SMG6: variants seen among roughly 807,000 people sequenced by gnomAD.
SMG6 encodes SMG6 nonsense mediated mRNA decay factor, also known as telomerase-binding protein EST1A.
SMG6 carries 66 observed loss-of-function variants against 142.2 expected under a neutral mutation model. The observed-to-expected ratio is 0.46, with a 90% CI of 0.38 to 0.57. The LOEUF (loss-of-function observed/expected upper bound fraction) is 0.57. SMG6 is among the 20% of genes least tolerant of loss of function. The probability of loss-of-function intolerance (pLI) is 0.00; values close to 1 mark genes in which losing one functional copy is unlikely to be tolerated. For missense variants in SMG6, 1,793 were observed against 1,832.0 expected, an observed-to-expected ratio of 0.98 and a Z score of 0.39; for synonymous variants, 779 against 702.4, an observed-to-expected ratio of 1.11 and a Z score of -1.72.
intron 15 of SMG6, among the ~76,000 whole-genome samples, chr17:2,080,646 T>TC (rs1392317749): frequency 1.3e-5 from 2 of 151,858 alleles, no homozygotes; most frequent in African/African-American, 2.4e-5. Context: ...TTTTCTTTTT[T>TC]TTTTTTTGAG....
intron 10 of SMG6, among the ~76,000 whole-genome samples, chr17:2,189,021 A>G (rs1289341485): frequency 6.6e-6 from 1 of 152,170 alleles, no homozygotes; most frequent in African/African-American, 2.4e-5. Flanking sequence ...CTTTAGTCCC[A>G]TCCTTACTTC....
chr17:2,173,612 C>G (rs779309928), intron 12 of SMG6, among the ~76,000 whole-genome samples: 10 of 152,148 alleles, frequency 6.6e-5, no homozygotes, highest in Non-Finnish European at 1.3e-4. Context: ...TCCCACGTCC[C>G]CAGAAACCCC....
intron 8 of SMG6, among the ~76,000 whole-genome samples, chr17:2,252,394 A>G (rs1327202042): frequency 9.6e-6 from 1 of 103,986 alleles, no homozygotes; most frequent in South Asian, 3.5e-4. Context: ...GCAAGACTCC[A>G]ACTCAAAAAA....
chr17:2,135,042 G>A (rs781405895), intron 13 of SMG6, among the ~76,000 whole-genome samples: 2 of 152,132 alleles, frequency 1.3e-5, no homozygotes, highest in Non-Finnish European at 2.9e-5. Context: ...ACCATGCCTG[G>A]CTAATTTTTG....
intron 10 of SMG6, among the ~76,000 whole-genome samples, chr17:2,218,629 A>G (rs1269031741): frequency 6.6e-6 from 1 of 152,198 alleles, no homozygotes; most frequent in African/African-American, 2.4e-5. Context: ...CTACATACCC[A>G]TGCCAACCTT....
chr17:2,188,427 G>A lies in SMG6; in HGVS notation c.2958C>T (p.Cys986=), dbSNP rs200765278. 4.5e-5 allele frequency: 73 copies of A among 1,614,140 alleles called. No individual in the cohort carries two copies. In the East Asian group the frequency reaches 1.4e-3, roughly 31 times the overall value. ...LAMFSLLVRR[C]TCLLKESAKA... ...TGGCGGACTCCTTAAGTAAGCAGGTGCAGCGGCGGACCAGTAGAGAAAACA... is the reference window on the plus strand; with the variant it reads ...TGGCGGACTCCTTAAGTAAGCAGGTACAGCGGCGGACCAGTAGAGAAAACA... The change falls in exon 11 of 19, where the codon TGC becomes TGT. Residue 986 remains cysteine (C), a synonymous_variant. Transcript: ENST00000263073.
chr17:2,138,043 T>C (rs780937884), intron 13 of SMG6, among the ~76,000 whole-genome samples: 1 of 152,024 alleles, frequency 6.6e-6, no homozygotes, highest in African/African-American at 2.4e-5. Context: ...TAAAGGCAGA[T>C]GCAGACAGAA....
In SMG6 at chr17:2,113,596, T is replaced by C. The variant is rs75828607; in HGVS notation, c.3358-27695A>G. Among the ~76,000 whole-genome samples the C allele has an allele frequency of 9.7e-3, 1,478 of 152,320 alleles. 11 individuals are homozygous for C. The highest frequency in any genetic ancestry group is 0.015 in the Non-Finnish European group (1,027 of 68,030). ...TCTCTTACACAGCTGCCAAGTGAGCTATATGGCATTCTTATCAAATGAAAG... is the reference window on the plus strand; with the variant it reads ...TCTCTTACACAGCTGCCAAGTGAGCCATATGGCATTCTTATCAAATGAAAG... On this transcript the variant is annotated intron_variant, in intron 13 of 18. Coordinates refer to ENST00000263073, the MANE Select transcript of SMG6 (RefSeq NM_017575.5).
chr17:2,078,924 T>C (rs1246454045), intron 15 of SMG6, among the ~76,000 whole-genome samples: 2 of 146,816 alleles, frequency 1.4e-5, no homozygotes, highest in Non-Finnish European at 2.9e-5. Context: ...TGGTGATTGG[T>C]CAACTATGAC....
intron 8 of SMG6, among the ~76,000 whole-genome samples, chr17:2,277,154 TTTA>T (rs1201139474): frequency 4.9e-5 from 4 of 81,792 alleles, no homozygotes; most frequent in African/African-American, 2.3e-4. Flanking sequence ...TATTTATTTA[TTTA>T]TTTATTTATT....
intron 1 of SMG6, among the ~76,000 whole-genome samples, chr17:2,302,837 CCTA>C (rs1375448033): frequency 1.3e-5 from 2 of 152,114 alleles, no homozygotes; most frequent in Non-Finnish European, 2.9e-5. Context: ...GAAAGCTATT[CCTA>C]CTACTTTCTA....
chr17:2,105,107 T>TTG (rs931732627), intron 13 of SMG6, among the ~76,000 whole-genome samples: 2 of 144,470 alleles, frequency 1.4e-5, no homozygotes, highest in African/African-American at 5.1e-5. Context: ...TTTTTTTTTT[T>TTG]GTAGAGATGG....
intron 18 of SMG6, among the ~76,000 whole-genome samples, chr17:2,063,667 G>C (rs1479414187): frequency 6.6e-6 from 1 of 152,238 alleles, no homozygotes; most frequent in Non-Finnish European, 1.5e-5. Flanking sequence ...AGGAAGCTCA[G>C]GCTTGCCAGC....
chr17:2,112,449 A>G (rs1037950452), intron 13 of SMG6, among the ~76,000 whole-genome samples: 1 of 151,536 alleles, frequency 6.6e-6, no homozygotes, highest in African/African-American at 2.4e-5. Flanking sequence ...CGGAGGTTGC[A>G]GTGAGCCGAG....
intron 13 of SMG6, among the ~76,000 whole-genome samples, chr17:2,091,962 G>A (rs1437699987): frequency 6.6e-6 from 1 of 151,346 alleles, no homozygotes; most frequent in Non-Finnish European, 1.5e-5. Context: ...GATTACAGGC[G>A]TGAGCCACTG....
At chr17:2,117,082 C>T (rs2069530188) in intron 13 of SMG6, among the ~76,000 whole-genome samples, 1 of 149,352 alleles carries the variant, frequency 6.7e-6, no homozygotes, top group South Asian at 2.1e-4. Context: ...AGACAGTCAC[C>T]AGTATGGCTT....
intron 10 of SMG6, among the ~76,000 whole-genome samples, chr17:2,235,465 G>A (rs937398700): frequency 2.6e-5 from 4 of 152,090 alleles, no homozygotes; most frequent in African/African-American, 7.2e-5. Context: ...AAGTACAAAC[G>A]GGGAGATAAA....
At chr17:2,198,974 A>AAAAAAATAAAAAAAAAAAAAAAAAAAAAG (rs1567676992) in intron 10 of SMG6, among the ~76,000 whole-genome samples, 1 of 141,126 alleles carries the variant, frequency 7.1e-6, no homozygotes, top group Non-Finnish European at 1.5e-5. Context: ...AAAAAAAAAA[A>AAAAAAATAAAAAAAAAAAAAAAAAAAAAG]GAAAAGTTCA....
intron 13 of SMG6, among the ~76,000 whole-genome samples, chr17:2,119,899 C>T (rs541111709): frequency 1.3e-5 from 2 of 151,872 alleles, no homozygotes; most frequent in East Asian, 1.9e-4. Context: ...CCTGACCTCG[C>T]GATCCACCCG....
Sources: gnomAD v4.1 joint callset for allele counts (sites outside exome capture counted in the v4.1 genomes callset) on GRCh38, gnomAD v4.1.1 for gene constraint, MANE v1.5 for transcripts, NCBI Gene and HGNC (gene_info 2026-07-23, HGNC 2026-07-21) for gene names.